Variants in ZNF704 observed in about 807,000 individuals in gnomAD.
ZNF704 encodes zinc finger protein 704.
In ZNF704, 10 loss-of-function variants were observed where a neutral mutation model predicts 44.7. The ratio of observed to expected loss-of-function variants is 0.22; its 90% CI spans 0.14 to 0.38. ZNF704 has a LOEUF of 0.38. Ranked by LOEUF, ZNF704 falls within the 10% of genes least tolerant of loss-of-function variation. The pLI is 1.00. For missense variants in ZNF704, 390 were observed against 545.5 expected, an observed-to-expected ratio of 0.71 and a Z score of 2.84; for synonymous variants, 211 against 207.6, an observed-to-expected ratio of 1.02 and a Z score of -0.14.
chr8:80,714,593 C>T (rs1022547982), intron 2 of ZNF704, among the ~76,000 whole-genome samples: 3 of 152,152 alleles, frequency 2.0e-5, no homozygotes, highest in African/African-American at 7.2e-5. Context: ...TCTCCTCCTC[C>T]GGCCTCCTTT....
intron 1 of ZNF704, among the ~76,000 whole-genome samples, chr8:80,862,180 G>GA (rs1317890423): frequency 2.0e-5 from 3 of 150,912 alleles, no homozygotes; most frequent in East Asian, 2.0e-4. Context: ...CTTTTTTGTA[G>GA]AAAAAATGAC....
At chr8:80,691,729 C>A (rs1818638662) in intron 3 of ZNF704, among the ~76,000 whole-genome samples, 1 of 152,236 alleles carries the variant, frequency 6.6e-6, no homozygotes, top group African/African-American at 2.4e-5. Flanking sequence ...CAAATCTCTA[C>A]CAGATGTTGC....
chr8:80,726,858 G>C (rs541413286), intron 2 of ZNF704, among the ~76,000 whole-genome samples: 1,686 of 136,082 alleles, frequency 0.012, 41 homozygotes, highest in African/African-American at 0.044. Flanking sequence ...CACACACACA[G>C]ACACACACAG....
In ZNF704 at chr8:80,708,349, A is replaced by G. The variant is rs145647789; in HGVS notation, c.222-15242T>C. On this transcript the variant is annotated intron_variant, in intron 2 of 8. Transcript: ENST00000327835. ...AGTTTACCGCTGGGCATAACAGCAG[A>G]TCAGTAACATGGCTGGGTGGCTACT... is the stretch of plus-strand genomic sequence containing the variant. Among the ~76,000 whole-genome samples the G allele has an allele frequency of 2.4e-3, 373 of 152,364 alleles. 1 individual carries two copies. Among genetic ancestry groups the G allele is most frequent in the African/African-American group, 8.6e-3 (359 of 41,582 alleles).
chr8:80,735,469 T>C (rs1291073106), intron 2 of ZNF704, among the ~76,000 whole-genome samples: 5 of 152,236 alleles, frequency 3.3e-5, no homozygotes, highest in Admixed American at 2.6e-4. Flanking sequence ...GGGCAGAATC[T>C]TCAAAATCTT....
chr8:80,856,330 A>AT (rs1005533138), intron 1 of ZNF704, among the ~76,000 whole-genome samples: 15 of 151,988 alleles, frequency 9.9e-5, no homozygotes, highest in African/African-American at 2.7e-4. Context: ...AATTGACTTG[A>AT]TTTTTTTTGT....
rs151276145 is a variant in ZNF704 at position 80,859,985 on chromosome 8, G to A, written c.-22+14586C>T. On this transcript the variant is annotated intron_variant, in intron 1 of 8. Transcript: ENST00000327835. The stretch of plus-strand genomic sequence containing the variant: ...TCATCCTTCACTGGATGAGGCTAAG[G>A]CTACCCTACACGTGCACACACTCGT... 2.5e-3 allele frequency among the ~76,000 whole-genome samples: 388 copies of A among 152,218 alleles called. 2 individuals are homozygous for A. Among genetic ancestry groups the A allele is most frequent in the African/African-American group, 8.9e-3 (369 of 41,534 alleles).
intron 2 of ZNF704, among the ~76,000 whole-genome samples, chr8:80,696,939 T>C (rs1410561072): frequency 6.6e-6 from 1 of 152,196 alleles, no homozygotes. Flanking sequence ...TGGTGTCACG[T>C]TGGTGCTCAA....
At chr8:80,809,554 C>A (rs1390858357) in intron 2 of ZNF704, among the ~76,000 whole-genome samples, 3 of 152,134 alleles carry the variant, frequency 2.0e-5, no homozygotes, top group African/African-American at 7.2e-5. Flanking sequence ...GAGAGAGCAA[C>A]AAAAGCTTTT....
At chr8:80,754,095 T>TA (rs1401500317) in intron 2 of ZNF704, among the ~76,000 whole-genome samples, 1 of 152,216 alleles carries the variant, frequency 6.6e-6, no homozygotes, top group Non-Finnish European at 1.5e-5. Context: ...CTCTCCTGTC[T>TA]ACTCCCAAAC....
chr8:80,878,718 A>G (rs1347775452), upstream of ZNF704, among the ~76,000 whole-genome samples: 1 of 152,202 alleles, frequency 6.6e-6, no homozygotes, highest in Non-Finnish European at 1.5e-5. Context: ...AGTCAAGCAT[A>G]ATCTCCACCC....
Position 80,664,936 on chromosome 8 carries a change from G to C in ZNF704, c.806C>G (p.Pro269Arg), listed in dbSNP as rs1481055649. The part of the protein sequence containing the change: ...SQSLASPPTF[P>R]IPDSSRTETP... ...TTCTGTTCGGCTTGAATCTGGGATG[G>C]GGAAAGTAGGAGGTGAAGCCAGGGA... Residue 269 changes from proline (P) to arginine (R), a missense_variant, in exon 6 of 9, where the codon CCC becomes CGC. Around this residue, in one of 3 missense-constraint regions of ZNF704, gnomAD observed 305 missense variants for 435.7 expected, o/e 0.70. Transcript: ENST00000327835. The C allele has an allele frequency of 6.2e-7, 1 of 1,614,082 alleles. No homozygotes were observed. The highest frequency in any genetic ancestry group is 1.3e-5 in the African/African-American group (1 of 74,926).
At chr8:80,656,198 T>A (rs1319909008) in intron 7 of ZNF704, among the ~76,000 whole-genome samples, 1 of 152,136 alleles carries the variant, frequency 6.6e-6, no homozygotes, top group East Asian at 1.9e-4. Context: ...TCTCTCTCTC[T>A]CTTTCTCTCT....
intron 7 of ZNF704, among the ~76,000 whole-genome samples, chr8:80,655,460 A>C (rs1817999677): frequency 1.3e-5 from 2 of 152,316 alleles, no homozygotes; most frequent in South Asian, 2.1e-4. Flanking sequence ...TGTTACAGGA[A>C]TCAATCCTAA....
chr8:80,850,232 C>CT (rs893098134), intron 1 of ZNF704, among the ~76,000 whole-genome samples: 34 of 151,914 alleles, frequency 2.2e-4, no homozygotes, highest in Middle Eastern at 3.2e-3. Context: ...AGAAACTTGT[C>CT]TTTTTTTGTC....
At chr8:80,672,368 A>G (rs1300739006) in intron 4 of ZNF704, among the ~76,000 whole-genome samples, 1 of 152,222 alleles carries the variant, frequency 6.6e-6, no homozygotes, top group African/African-American at 2.4e-5. Context: ...GAGATTTCTC[A>G]AAGAACTAAA....
chr8:80,840,561 T>C (rs1808661044), intron 1 of ZNF704, among the ~76,000 whole-genome samples: 1 of 152,176 alleles, frequency 6.6e-6, no homozygotes, highest in Non-Finnish European at 1.5e-5. Flanking sequence ...AATTGCTTCA[T>C]ACATATTATT....
At chr8:80,725,287 A>G (rs903516518) in intron 2 of ZNF704, among the ~76,000 whole-genome samples, 1 of 152,200 alleles carries the variant, frequency 6.6e-6, no homozygotes, top group Non-Finnish European at 1.5e-5. Context: ...AGGACTTCCA[A>G]TTAAATTTTC....
Position 80,639,475 on chromosome 8 carries a change from G to A in ZNF704, c.*1891C>T, listed in dbSNP as rs1817710277. ...TCAGTCTAAAACATACAGTATTGCT[G>A]GTGCTGTGACTAGTACTGATTGGTA... On this transcript the variant is annotated 3_prime_UTR_variant, in exon 9 of 9. Coordinates refer to ENST00000327835, the MANE Select transcript of ZNF704 (RefSeq NM_001033723.3). 6.6e-6 allele frequency: 1 copy of A among 152,178 alleles called. No homozygotes were observed. The highest frequency in any genetic ancestry group is 1.5e-5 in the Non-Finnish European group (1 of 68,046). The allele number at this position is 152,178 out of a possible 1,614,324, so 9.4% of individuals were successfully genotyped here.
Sources: gnomAD v4.1 joint callset for allele counts (sites outside exome capture counted in the v4.1 genomes callset) on GRCh38, gnomAD v4.1.1 for gene constraint, gnomAD v4.1.1 regional missense constraint, MANE v1.5 for transcripts, NCBI Gene and HGNC (gene_info 2026-07-23, HGNC 2026-07-21) for gene names.